The following TTC7A variants were observed in gnomAD, a reference collection of about 807,000 sequenced individuals.
The protein encoded by TTC7A is tetratricopeptide repeat protein 7A.
Under a neutral mutation model 103.7 loss-of-function variants are expected in TTC7A, and 110 were observed. The ratio of observed to expected loss-of-function variants is 1.06; its 90% CI spans 0.91 to 1.24. The LOEUF is 1.24. TTC7A is among the 50% of genes most tolerant of loss of function. The probability of loss-of-function intolerance (pLI) is 0.00; values close to 1 mark genes in which losing one functional copy is unlikely to be tolerated. For missense variants in TTC7A, 1,340 were observed against 1,116.3 expected (o/e 1.20, Z -2.86); for synonymous variants, 521 against 467.9 (o/e 1.11, Z -1.47).
intron 1 of TTC7A, among the ~76,000 whole-genome samples, chr2:46,945,700 C>G (rs1670875887): frequency 6.6e-6 from 1 of 152,096 alleles, no homozygotes; most frequent in Non-Finnish European, 1.5e-5. Flanking sequence ...CTTTGAGTGT[C>G]TCTTAATCTG....
chr2:47,013,812 C>T (rs1481398498), intron 11 of TTC7A, among the ~76,000 whole-genome samples: 2 of 152,218 alleles, frequency 1.3e-5, no homozygotes, highest in Admixed American at 1.3e-4. Context: ...GACTTGTCAT[C>T]AGAATCGAGG....
At chr2:46,921,836 G>A (rs1050792231) in intron 2 of TTC7A, among the ~76,000 whole-genome samples, 1 of 152,162 alleles carries the variant, frequency 6.6e-6, no homozygotes, top group Non-Finnish European at 1.5e-5. Flanking sequence ...TAGGGTTCGC[G>A]TTCCTGTGAG....
At position 47,000,499 on chromosome 2, in the gene TTC7A, G is replaced by A. The variant is rs146981382; in HGVS notation, c.1065+5300G>A. ...TTTTCTGCTGCAGGAACCTGACGCAGCAGGAGCTCGGAGGCTGGCGTGGGC... is the reference window on the plus strand; with the variant it reads ...TTTTCTGCTGCAGGAACCTGACGCAACAGGAGCTCGGAGGCTGGCGTGGGC... On this transcript the variant is annotated intron_variant, in intron 8 of 19. Transcript: ENST00000319190. Among the ~76,000 whole-genome samples the A allele has an allele frequency of 2.4e-4, 37 of 152,372 alleles. 1 individual carries two copies. In the East Asian group the frequency reaches 6.6e-3, roughly 27 times the overall value.
At chr2:46,997,063 C>T (rs1288211809) in intron 8 of TTC7A, among the ~76,000 whole-genome samples, 2 of 152,136 alleles carry the variant, frequency 1.3e-5, no homozygotes, top group African/African-American at 4.8e-5. Context: ...ACTGCAACCT[C>T]TGTCTCCCAG....
At chr2:46,921,806 C>T (rs1335613935) in intron 2 of TTC7A, among the ~76,000 whole-genome samples, 1 of 152,126 alleles carries the variant, frequency 6.6e-6, no homozygotes, top group Non-Finnish European at 1.5e-5. Flanking sequence ...ACCTAGATCC[C>T]TTACATGCGC....
intron 1 of TTC7A, among the ~76,000 whole-genome samples, chr2:46,944,374 G>GT (rs34191565): frequency 0.56 from 50,301 of 89,154 alleles, 14,186 homozygotes; most frequent in East Asian, 0.64. Flanking sequence ...GGTATTTTGG[G>GT]TTTTTTTTTT....
At chr2:46,954,861 G>A (rs1355547411) in intron 2 of TTC7A, among the ~76,000 whole-genome samples, 4 of 152,104 alleles carry the variant, frequency 2.6e-5, no homozygotes, top group Admixed American at 1.3e-4. Context: ...GTGAGCCACC[G>A]TACCCGGCCG....
At chr2:46,938,829 T>A (rs964659571), upstream of TTC7A, among the ~76,000 whole-genome samples, 1 of 151,410 alleles carries the variant, frequency 6.6e-6, no homozygotes, top group Non-Finnish European at 1.5e-5. Context: ...CTGGCCAACA[T>A]AGTGAAACCC....
At chr2:47,021,344 C>A (rs561644553) in intron 11 of TTC7A, among the ~76,000 whole-genome samples, 2 of 152,336 alleles carry the variant, frequency 1.3e-5, no homozygotes, top group East Asian at 3.9e-4. Flanking sequence ...GATGTGTGCA[C>A]ATGTGACCCA....
chr2:47,024,245 C>G, intron 13 of TTC7A, 42 bp from the exon 14 acceptor site: 8 of 1,546,312 alleles, frequency 5.2e-6, no homozygotes, highest in Non-Finnish European at 7.0e-6. Flanking sequence ...GTTGGTCACT[C>G]AACCCCTGGT....
intron 11 of TTC7A, among the ~76,000 whole-genome samples, chr2:47,013,317 C>T (rs746326078): frequency 2.0e-5 from 3 of 152,160 alleles, no homozygotes; most frequent in African/African-American, 7.2e-5. Flanking sequence ...AGAGGTAGGG[C>T]GACCTTGTGA....
At chr2:47,067,770 C>G (rs1684302432) in intron 19 of TTC7A, 1 of 152,050 alleles carries the variant, frequency 6.6e-6, no homozygotes, top group African/African-American at 2.4e-5. Context: ...TTAAATAATT[C>G]CATAAGTTAG....
At chr2:46,975,997 A>G (rs928793071) in intron 4 of TTC7A, among the ~76,000 whole-genome samples, 1 of 152,176 alleles carries the variant, frequency 6.6e-6, no homozygotes, top group African/African-American at 2.4e-5. Context: ...TCAGCCTCCC[A>G]AAGTGCTGGG....
intron 19 of TTC7A, among the ~76,000 whole-genome samples, chr2:47,069,163 A>C (rs72875120): frequency 0.17 from 25,461 of 151,926 alleles, 3,334 homozygotes; most frequent in East Asian, 0.65. Context: ...CTAGAACCTG[A>C]TACCAGCCCA....
chr2:46,923,372 G>A (rs927146982), intron 2 of TTC7A, among the ~76,000 whole-genome samples: 1 of 152,174 alleles, frequency 6.6e-6, no homozygotes, highest in African/African-American at 2.4e-5. Flanking sequence ...TTACCTGGGG[G>A]CTGCCAGCCA....
At chr2:46,993,279 C>G (rs556016994) in intron 5 of TTC7A, among the ~76,000 whole-genome samples, 171 bp from the exon 6 acceptor site, 1 of 151,950 alleles carries the variant, frequency 6.6e-6, no homozygotes, top group South Asian at 2.1e-4. Flanking sequence ...TGTTGATGTC[C>G]TGGGCCTCTA....
intron 19 of TTC7A, among the ~76,000 whole-genome samples, chr2:47,063,598 T>A (rs534407841): frequency 3.6e-4 from 55 of 152,350 alleles, no homozygotes; most frequent in Non-Finnish European, 7.4e-5. Context: ...CAGCCTTAGA[T>A]AATTACCAAG....
At chr2:47,032,594 G>A (rs1374971947) in intron 15 of TTC7A, among the ~76,000 whole-genome samples, 2 of 152,038 alleles carry the variant, frequency 1.3e-5, no homozygotes, top group Non-Finnish European at 2.9e-5. Flanking sequence ...ACCGTAGAGT[G>A]TGCTGCGAAG....
At chr2:46,956,816 G>A in intron 2 of TTC7A, 23 bp from the exon 3 acceptor site, 4 of 1,613,118 alleles carry the variant, frequency 2.5e-6, no homozygotes, top group Non-Finnish European at 3.4e-6. Flanking sequence ...GCAGGCGCTG[G>A]TAACATGTCC....
Sources: allele counts gnomAD v4.1 joint callset (sites outside exome capture counted in the v4.1 genomes callset), GRCh38; gene constraint gnomAD v4.1.1; transcripts MANE v1.5; gene names NCBI Gene and HGNC (gene_info 2026-07-23, HGNC 2026-07-21).